The following IL20RA variants were observed in gnomAD, a reference collection of about 807,000 sequenced individuals.
The protein encoded by IL20RA is interleukin 20 receptor subunit alpha, also known as interleukin-20 receptor subunit alpha.
IL20RA carries 29 observed loss-of-function variants against 36.5 expected under a neutral mutation model. The ratio of observed to expected loss-of-function variants is 0.79; its 90% confidence interval spans 0.59 to 1.08. IL20RA has a LOEUF of 1.08. Ranked by LOEUF, IL20RA falls within the 50% of genes least tolerant of loss-of-function variation. The pLI is 0.00. For synonymous variants in IL20RA, 279 were observed against 267.1 expected, an observed-to-expected ratio of 1.04 and a Z score of -0.43; for missense variants, 652 against 668.4, an observed-to-expected ratio of 0.98 and a Z score of 0.27.
intron 1 of IL20RA, among the ~76,000 whole-genome samples, chr6:137,017,789 A>G (rs1001121545): frequency 1.3e-5 from 2 of 152,228 alleles, no homozygotes; most frequent in Admixed American, 1.3e-4. Context: ...ATATGTTCAC[A>G]TAGGTGCACT....
At chr6:137,005,393 A>G (rs535156572) in intron 5 of IL20RA, among the ~76,000 whole-genome samples, 76 of 152,324 alleles carry the variant, frequency 5.0e-4, no homozygotes, top group African/African-American at 1.7e-3. Flanking sequence ...GCTGTGCTGT[A>G]GGCTCATGAT....
chr6:137,004,585 A>G (rs1444613105), intron 6 of IL20RA, 36 bp downstream of exon 6: 10 of 1,598,698 alleles, frequency 6.3e-6, no homozygotes, highest in Non-Finnish European at 8.6e-6. Context: ...GAGGTGTACT[A>G]TTATAATAAA....
intron 5 of IL20RA, among the ~76,000 whole-genome samples, chr6:137,005,006 C>T (rs1245038818): frequency 6.6e-6 from 1 of 152,214 alleles, no homozygotes; most frequent in East Asian, 1.9e-4. Context: ...AATGTTTACA[C>T]TAAGGATACA....
chr6:137,033,465 C>T (rs1776369820), intron 1 of IL20RA, among the ~76,000 whole-genome samples: 1 of 152,180 alleles, frequency 6.6e-6, no homozygotes, highest in African/African-American at 2.4e-5. Flanking sequence ...AATGGAATGC[C>T]CACAAAGTGG....
intron 1 of IL20RA, chr6:137,044,320 A>G (rs1378380027): frequency 1.9e-6 from 2 of 1,036,050 alleles, no homozygotes; most frequent in Admixed American, 1.1e-4. Context: ...ACCGCAAGTC[A>G]TAGGCTGTGG....
At chr6:137,008,257 G>T (rs1255186542) in intron 5 of IL20RA, among the ~76,000 whole-genome samples, 1 of 152,190 alleles carries the variant, frequency 6.6e-6, no homozygotes, top group African/African-American at 2.4e-5. Context: ...GGGCCACTAT[G>T]CCCAGCGTGA....
intron 1 of IL20RA, among the ~76,000 whole-genome samples, chr6:137,018,578 A>T (rs1214472070): frequency 6.6e-6 from 1 of 151,744 alleles, no homozygotes; most frequent in African/African-American, 2.4e-5. Context: ...AAAAGGACAT[A>T]GCCTGCCCAA....
At chr6:137,029,541 G>C (rs1044371267) in intron 1 of IL20RA, among the ~76,000 whole-genome samples, 16 of 151,954 alleles carry the variant, frequency 1.1e-4, no homozygotes, top group Admixed American at 7.9e-4. Flanking sequence ...CTTTTTGAGA[G>C]TGAGTACCTA....
intron 4 of IL20RA, 23 bp from the exon 5 acceptor site, chr6:137,008,766 T>C (rs1184409997): frequency 5.8e-6 from 9 of 1,554,520 alleles, no homozygotes; most frequent in Non-Finnish European, 7.8e-6. Context: ...ATTGCAAACA[T>C]TGGTTAGAGC....
Position 137,023,380 on chromosome 6 carries a change from G to A in IL20RA, c.89-6277C>T, listed in dbSNP as rs1017387969. Among the ~76,000 whole-genome samples, 5 of 152,294 alleles carry A rather than the reference G, an allele frequency of 3.3e-5. No individual in the cohort carries two copies. The East Asian group carries it at 9.6e-4, about 29-fold the overall frequency. On this transcript the variant is annotated intron_variant, in intron 1 of 6. Coordinates refer to ENST00000316649, the MANE Select transcript of IL20RA (RefSeq NM_014432.4). ...CAAGATGAAATCTAAGGAGTACAAAGGAGCTAGATCCCCCATCTCTCTAAA... is the reference window on the plus strand; with the variant it reads ...CAAGATGAAATCTAAGGAGTACAAAAGAGCTAGATCCCCCATCTCTCTAAA...
intron 1 of IL20RA, among the ~76,000 whole-genome samples, chr6:137,039,483 G>C (rs1031365557): frequency 6.6e-6 from 1 of 152,162 alleles, no homozygotes; most frequent in African/African-American, 2.4e-5. Flanking sequence ...ACACTTGAGC[G>C]AGCAAATCCT....
Position 137,001,819 on chromosome 6 carries a change from C to T in IL20RA, c.1401G>A (p.Ser467=), listed in dbSNP as rs1222429841. The T allele has an allele frequency of 5.6e-6, 9 of 1,613,432 alleles. No individual in the cohort carries two copies. Among genetic ancestry groups the T allele is most frequent in the Admixed American group, 1.7e-5 (1 of 59,976 alleles). ...LDPLAQEHTD[S]EEGPEEEPST... ...ATGGCTCTTCCTCCGGCCCCTCCTC[C>T]GAGTCTGTGTGCTCCTGCGCCAGGG... The change falls in exon 7 of 7, where the codon TCG becomes TCA. Residue 467 remains serine (S), a synonymous_variant. Coordinates refer to ENST00000316649, the MANE Select transcript of IL20RA (RefSeq NM_014432.4).
At chr6:137,002,449 T>C in intron 6 of IL20RA, 94 bp from the exon 7 acceptor site, 1 of 801,310 alleles carries the variant, frequency 1.2e-6, no homozygotes, top group South Asian at 1.8e-5. Flanking sequence ...CAGACAGTTT[T>C]AAAGACCTAC....
chr6:137,038,924 T>C (rs1377809266), intron 1 of IL20RA, among the ~76,000 whole-genome samples: 3 of 152,220 alleles, frequency 2.0e-5, no homozygotes, highest in African/African-American at 4.8e-5. Context: ...AACATAGAGA[T>C]ATACAGTTTC....
At chr6:137,013,704 T>A (rs1361863736) in intron 2 of IL20RA, among the ~76,000 whole-genome samples, 2 of 152,208 alleles carry the variant, frequency 1.3e-5, no homozygotes, top group African/African-American at 4.8e-5. Context: ...AATTTTCACC[T>A]TGGAAACAAA....
chr6:137,040,168 T>C (rs902684170), intron 1 of IL20RA, among the ~76,000 whole-genome samples: 1 of 152,182 alleles, frequency 6.6e-6, no homozygotes, highest in African/African-American at 2.4e-5. Flanking sequence ...TTCTCACTGT[T>C]AGACAAAGAG....
intron 1 of IL20RA, among the ~76,000 whole-genome samples, chr6:137,041,499 A>G (rs903687445): frequency 6.6e-6 from 1 of 152,154 alleles, no homozygotes; most frequent in Non-Finnish European, 1.5e-5. Context: ...AAGTTAAAAA[A>G]AGAAAATAAT....
intron 1 of IL20RA, among the ~76,000 whole-genome samples, chr6:137,030,403 A>G (rs1776240078): frequency 6.6e-6 from 1 of 152,108 alleles, no homozygotes; most frequent in African/African-American, 2.4e-5. Context: ...TTCAATGCAT[A>G]TATCAGTAAG....
chr6:137,019,173 C>G (rs1003841588), intron 1 of IL20RA, among the ~76,000 whole-genome samples: 1 of 150,534 alleles, frequency 6.6e-6, no homozygotes, highest in African/African-American at 2.4e-5. Context: ...GTTGCCCATG[C>G]TGGAGTGCAG....
Sources: gnomAD v4.1 joint callset for allele counts (sites outside exome capture counted in the v4.1 genomes callset) on GRCh38, gnomAD v4.1.1 for gene constraint, MANE v1.5 for transcripts, NCBI Gene and HGNC (gene_info 2026-07-23, HGNC 2026-07-21) for gene names.